The following TSNARE1 variants were observed in gnomAD, a reference collection of about 807,000 sequenced individuals.
The protein encoded by TSNARE1 is t-SNARE domain-containing protein 1.
Under a neutral mutation model 62.0 loss-of-function variants are expected in TSNARE1, and 49 were observed. The ratio of observed to expected loss-of-function variants is 0.79; its 90% CI spans 0.63 to 1.00. TSNARE1 has a LOEUF of 1.00. Among genes scored for constraint, TSNARE1 ranks in the 50% least tolerant of loss-of-function variants. The pLI is 0.00. For synonymous variants in TSNARE1, 328 were observed against 294.4 expected (o/e 1.11, Z -1.17); for missense variants, 755 against 700.1 (o/e 1.08, Z -0.88).
chr8:142,344,311 C>T lies in TSNARE1; in HGVS notation c.400G>A (p.Glu134Lys), dbSNP rs776111122. ...TTGCTCACCTTGGACACCAGCACCT[C>T]GGTCTCCTGCGGGCAGAAGTTGGGC... ...RKPNFCPQETEVLVSKVSKHH... is the reference protein window; with the variant it reads ...RKPNFCPQETKVLVSKVSKHH... The change falls in exon 4 of 14, where the codon GAG becomes AAG. Residue 134 changes from glutamate (E) to lysine (K), a missense_variant. Transcript: ENST00000524325. The T allele has an allele frequency of 3.1e-6, 5 of 1,591,286 alleles. No homozygotes were observed. Among genetic ancestry groups the T allele is most frequent in the East Asian group, 2.3e-5 (1 of 44,372 alleles).
chr8:142,284,311 T>G (rs1822313486), intron 11 of TSNARE1, 102 bp downstream of exon 11: 1 of 901,554 alleles, frequency 1.1e-6, no homozygotes, highest in Non-Finnish European at 1.8e-6. Context: ...TGGCTCCTCT[T>G]AGAGGCCCCT....
chr8:142,247,232 C>A (rs533005552), intron 12 of TSNARE1, among the ~76,000 whole-genome samples: 3 of 152,150 alleles, frequency 2.0e-5, no homozygotes, highest in Non-Finnish European at 4.4e-5. Context: ...CCCATGAGAA[C>A]GGCTGCCTGG....
intron 11 of TSNARE1, among the ~76,000 whole-genome samples, chr8:142,279,685 C>T (rs1271056269): frequency 1.3e-5 from 2 of 152,164 alleles, no homozygotes; most frequent in African/African-American, 4.8e-5. Context: ...GGTTTCCCCA[C>T]CTAAAAGAAG....
At chr8:142,223,192 G>GTTCA (rs202016734) in intron 13 of TSNARE1, among the ~76,000 whole-genome samples, 14,098 of 47,298 alleles carry the variant, frequency 0.3, 4,880 homozygotes, top group African/African-American at 0.52. Context: ...TCATTCACTC[G>GTTCA]TTCACTCACT....
chr8:142,361,193 G>A (rs1259079191), intron 1 of TSNARE1, among the ~76,000 whole-genome samples: 3 of 152,260 alleles, frequency 2.0e-5, no homozygotes, highest in Non-Finnish European at 2.9e-5. Context: ...CCCGGGCACC[G>A]TGGTGGGGAC....
At chr8:142,308,638 A>G (rs1267037777) in intron 9 of TSNARE1, among the ~76,000 whole-genome samples, 1 of 152,150 alleles carries the variant, frequency 6.6e-6, no homozygotes, top group African/African-American at 2.4e-5. Flanking sequence ...CTAGCCTCAC[A>G]CAAACACCAC....
At chr8:142,357,591 G>T (rs1391129621) in intron 1 of TSNARE1, among the ~76,000 whole-genome samples, 1 of 152,206 alleles carries the variant, frequency 6.6e-6, no homozygotes, top group Admixed American at 6.5e-5. Context: ...GGAACCCAGG[G>T]AGAGTCAAGG....
At chr8:142,292,163 T>C (rs1264317130) in intron 10 of TSNARE1, among the ~76,000 whole-genome samples, 1 of 152,044 alleles carries the variant, frequency 6.6e-6, no homozygotes, top group Non-Finnish European at 1.5e-5. Context: ...TCCCAGCCAG[T>C]AGCCAGAACA....
At chr8:142,261,779 G>A (rs1417758922) in intron 12 of TSNARE1, among the ~76,000 whole-genome samples, 1 of 152,174 alleles carries the variant, frequency 6.6e-6, no homozygotes, top group Non-Finnish European at 1.5e-5. Flanking sequence ...GTCTGAGGCT[G>A]CCCTCGCTAT....
In TSNARE1 at chr8:142,223,240, CCACT is replaced by C. The variant is rs1301947058; in HGVS notation, c.*11+6229_*11+6232del. On this transcript the variant is annotated intron_variant, in intron 13 of 13. Coordinates refer to ENST00000524325, the MANE Select transcript of TSNARE1 (RefSeq NM_145003.5). ...CTCATTCATCCACTCACTCATTCATCCACTCACTCACTCATTCACTCACTCACTC... is the reference window on the plus strand; with the variant it reads ...CTCATTCATCCACTCACTCATTCATCCACTCACTCATTCACTCACTCACTC... Among the ~76,000 whole-genome samples the C allele has an allele frequency of 7.8e-4, 108 of 138,530 alleles. 2 individuals carry two copies. The highest frequency in any genetic ancestry group is 2.4e-3 in the African/African-American group (84 of 34,416). 90.9% of individuals were successfully genotyped at this position (138,530 alleles called of 152,430 possible).
rs530492751 is a variant in TSNARE1 at position 142,238,896 on chromosome 8, C to T, written c.1447-9317G>A. 2.6e-5 allele frequency among the ~76,000 whole-genome samples: 4 copies of T among 152,200 alleles called. No individual in the cohort carries two copies. The South Asian group carries it at 8.3e-4, about 32-fold the overall frequency. On this transcript the variant is annotated intron_variant, in intron 12 of 13. Coordinates refer to ENST00000524325, the MANE Select transcript of TSNARE1 (RefSeq NM_145003.5). ...AACCTCAGCTCAGGTGGCATCTCCTCCAGGAAGCCTCTCAGACTTCTGCTC... is the reference window on the plus strand; with the variant it reads ...AACCTCAGCTCAGGTGGCATCTCCTTCAGGAAGCCTCTCAGACTTCTGCTC...
At chr8:142,216,062 AG>A (rs955974311) in intron 13 of TSNARE1, among the ~76,000 whole-genome samples, 12 of 152,070 alleles carry the variant, frequency 7.9e-5, no homozygotes, top group Admixed American at 1.3e-4. Flanking sequence ...GGCAGATCTG[AG>A]GGGGAAAGGT....
chr8:142,357,393 C>A lies in TSNARE1; in HGVS notation c.-39-2630G>T. ...GAGCACAGGGCACTACTTGCCATCA[C>A]CTCAAATGATGGTGGGGCGCTGGTG... On this transcript the variant is annotated intron_variant, in intron 1 of 13. Transcript: ENST00000524325. Among the ~76,000 whole-genome samples, 2 of 152,200 alleles carry A rather than the reference C, an allele frequency of 1.3e-5. 1 individual carries two copies. The highest frequency in any genetic ancestry group is 3.9e-4 in the East Asian group (2 of 5,182).
chr8:142,306,588 CAA>C (rs1251732293), intron 9 of TSNARE1, among the ~76,000 whole-genome samples: 1 of 152,194 alleles, frequency 6.6e-6, no homozygotes, highest in Non-Finnish European at 1.5e-5. Flanking sequence ...GGGAGACAGG[CAA>C]GAGACGGGGA....
At chr8:142,269,788 ACCATG>A in intron 12 of TSNARE1, 1 of 985,382 alleles carries the variant, frequency 1.0e-6, no homozygotes, top group Non-Finnish European at 1.2e-6. Flanking sequence ...CAACAGCAGC[ACCATG>A]CGCACCCATA....
intron 12 of TSNARE1, among the ~76,000 whole-genome samples, chr8:142,237,623 G>A (rs1320726454): frequency 2.6e-5 from 4 of 152,186 alleles, no homozygotes; most frequent in Non-Finnish European, 4.4e-5. Flanking sequence ...CGTTTGGTCC[G>A]TGGCCGCATG....
chr8:142,311,266 G>A (rs769222298), intron 9 of TSNARE1, among the ~76,000 whole-genome samples: 6 of 142,934 alleles, frequency 4.2e-5, no homozygotes, highest in East Asian at 2.1e-4. Context: ...AGATTCAAGC[G>A]ATTCTCCTGC....
intron 12 of TSNARE1, among the ~76,000 whole-genome samples, chr8:142,266,560 C>T (rs185820597): frequency 1.2e-4 from 18 of 152,352 alleles, no homozygotes; most frequent in Admixed American, 2.6e-4. Context: ...TTTCTGGCTT[C>T]CTCTGCTGCC....
At chr8:142,216,882 G>A (rs998193268) in intron 13 of TSNARE1, among the ~76,000 whole-genome samples, 8 of 152,242 alleles carry the variant, frequency 5.3e-5, no homozygotes, top group East Asian at 1.9e-4. Flanking sequence ...CAGGGGAACC[G>A]GGGTTTCAGC....
Sources: gnomAD v4.1 joint callset for allele counts (sites outside exome capture counted in the v4.1 genomes callset) on GRCh38, gnomAD v4.1.1 for gene constraint, MANE v1.5 for transcripts, NCBI Gene and HGNC (gene_info 2026-07-23, HGNC 2026-07-21) for gene names.